Variants in NTRK2 observed in about 807,000 individuals in gnomAD.
The protein encoded by NTRK2 is neurotrophic receptor tyrosine kinase 2, also known as BDNF/NT-3 growth factors receptor.
Under a neutral mutation model 94.5 loss-of-function variants are expected in NTRK2, and 13 were observed. The observed-to-expected ratio is 0.14, with a 90% CI of 0.09 to 0.22. The LOEUF (loss-of-function observed/expected upper bound fraction) is 0.22. NTRK2 is among the 10% of genes least tolerant of loss of function. NTRK2 has a pLI of 1.00. For synonymous variants in NTRK2, 372 were observed against 407.4 expected (o/e 0.91, Z 1.05); for missense variants, 639 against 1,071.2 (o/e 0.60, Z 5.63).
At chr9:84,748,631 GT>G (rs1349126813) in intron 11 of NTRK2, among the ~76,000 whole-genome samples, 3 of 152,180 alleles carry the variant, frequency 2.0e-5, no homozygotes, top group Non-Finnish European at 4.4e-5. Context: ...CTGCTGCATG[GT>G]TGGGGGACTT....
At chr9:84,742,794 T>C (rs1449102860) in intron 10 of NTRK2, among the ~76,000 whole-genome samples, 14 of 19,216 alleles carry the variant, frequency 7.3e-4, no homozygotes, top group South Asian at 2.7e-3. Flanking sequence ...TATTAGTTTT[T>C]TTTTTTTTTT....
chr9:84,966,081 C>G (rs1825525348), intron 17 of NTRK2, among the ~76,000 whole-genome samples: 2 of 152,186 alleles, frequency 1.3e-5, no homozygotes, highest in African/African-American at 4.8e-5. Flanking sequence ...CTGAGGGATT[C>G]TGCTTACCAG....
chr9:84,781,843 C>T (rs1253210073), intron 12 of NTRK2, among the ~76,000 whole-genome samples: 3 of 152,204 alleles, frequency 2.0e-5, no homozygotes, highest in African/African-American at 7.2e-5. Flanking sequence ...TAACTAAACC[C>T]TTATTATGGC....
At chr9:84,913,177 T>C (rs1284954044) in intron 14 of NTRK2, among the ~76,000 whole-genome samples, 2 of 152,154 alleles carry the variant, frequency 1.3e-5, no homozygotes, top group Admixed American at 1.3e-4. Context: ...TTTAGAATTC[T>C]TTTTTTATTT....
rs1832892458 is a variant in NTRK2, at chr9:85,023,615, T to C, written c.*2178T>C. 1.4e-5 allele frequency: 3 copies of C among 212,356 alleles called. No homozygotes were observed. Among genetic ancestry groups the C allele is most frequent in the African/African-American group, 2.3e-5 (1 of 43,938 alleles). 13.2% of individuals were successfully genotyped at this position (212,356 alleles called of 1,614,324 possible). On this transcript the variant is annotated 3_prime_UTR_variant, in exon 19 of 19. Transcript: ENST00000277120. ...TTAAAAAAACCCTCTAGAATACACA[T>C]AATAACATAATGAAAGCCATATCTC... is the stretch of plus-strand genomic sequence containing the variant.
intron 2 of NTRK2, among the ~76,000 whole-genome samples, chr9:84,673,858 C>T (rs2131305799): frequency 6.6e-6 from 1 of 152,250 alleles, no homozygotes; most frequent in East Asian, 1.9e-4. Flanking sequence ...ATGTATCACG[C>T]CTGCTCAACA....
chr9:84,885,859 C>G (rs2076396649), intron 14 of NTRK2, among the ~76,000 whole-genome samples: 1 of 151,908 alleles, frequency 6.6e-6, no homozygotes, highest in Admixed American at 6.6e-5. Context: ...TGGTGAAACC[C>G]CCTCTCTACT....
chr9:84,749,322 T>G (rs1245186649), intron 11 of NTRK2, among the ~76,000 whole-genome samples: 2 of 152,224 alleles, frequency 1.3e-5, no homozygotes, highest in Admixed American at 1.3e-4. Flanking sequence ...TGATCATTAC[T>G]TTTGCTCCAC....
intron 12 of NTRK2, among the ~76,000 whole-genome samples, chr9:84,808,148 G>T (rs2071339769): frequency 6.6e-6 from 1 of 152,162 alleles, no homozygotes; most frequent in Admixed American, 6.5e-5. Flanking sequence ...TTGAAATAAG[G>T]GCCAGGGCAG....
At position 84,750,509 on chromosome 9, in the gene NTRK2, A is replaced by G. The variant is rs191044346; in HGVS notation, c.1297-1477A>G. Among the ~76,000 whole-genome samples, 129 of 152,394 alleles carry G rather than the reference A, an allele frequency of 8.5e-4. 2 individuals are homozygous for G. Among genetic ancestry groups the G allele is most frequent in the Admixed American group, 1.4e-3 (21 of 15,308 alleles). Reference sequence around the variant, plus strand: ...AAATTGTTGTGCAGATTCTTAAGCCAGAATGGCTCTCTAAGAAATCTCAGA... The same window carrying G: ...AAATTGTTGTGCAGATTCTTAAGCCGGAATGGCTCTCTAAGAAATCTCAGA... On this transcript the variant is annotated intron_variant, in intron 11 of 18. Transcript: ENST00000277120.
intron 17 of NTRK2, among the ~76,000 whole-genome samples, chr9:85,002,912 A>G (rs933746421): frequency 1.3e-5 from 2 of 152,142 alleles, no homozygotes; most frequent in Non-Finnish European, 2.9e-5. Context: ...TGCCCCCAAC[A>G]TCAGGCCAGG....
At chr9:84,709,547 A>G (rs543960987) in intron 5 of NTRK2, among the ~76,000 whole-genome samples, 3 of 152,134 alleles carry the variant, frequency 2.0e-5, no homozygotes, top group Non-Finnish European at 2.9e-5. Context: ...ATTTTCCCCT[A>G]AGAAACTCCT....
chr9:84,870,897 A>G (rs1190762687), intron 14 of NTRK2, among the ~76,000 whole-genome samples: 2 of 152,214 alleles, frequency 1.3e-5, no homozygotes, highest in African/African-American at 2.4e-5. Context: ...TTTAGAATAT[A>G]CATATGGTCT....
intron 14 of NTRK2, chr9:84,874,888 C>T (rs200156368): frequency 2.8e-6 from 3 of 1,057,108 alleles, no homozygotes; most frequent in African/African-American, 3.3e-5. Context: ...TGGTCAATCC[C>T]AGTTGGTATA....
At chr9:84,876,366 T>C (rs1346447213) in intron 14 of NTRK2, 1 of 1,052,474 alleles carries the variant, frequency 9.5e-7, no homozygotes, top group Non-Finnish European at 1.1e-6. Flanking sequence ...TGAATTGTTT[T>C]CCTACAGGAA....
chr9:84,942,773 G>T (rs562142199), intron 15 of NTRK2, among the ~76,000 whole-genome samples: 5 of 148,620 alleles, frequency 3.4e-5, no homozygotes, highest in South Asian at 2.1e-4. Flanking sequence ...AATCTGTTAG[G>T]TTTTTTTTTT....
At chr9:84,833,446 G>GA (rs549025221) in intron 12 of NTRK2, among the ~76,000 whole-genome samples, 3 of 139,812 alleles carry the variant, frequency 2.1e-5, no homozygotes, top group East Asian at 2.0e-4. Flanking sequence ...AGAAAGGAAA[G>GA]AAAAAAAGGA....
intron 6 of NTRK2, among the ~76,000 whole-genome samples, chr9:84,721,487 A>G (rs1031398941): frequency 6.6e-6 from 1 of 152,140 alleles, no homozygotes; most frequent in African/African-American, 2.4e-5. Flanking sequence ...CATACTCATA[A>G]TAATCTTTAT....
chr9:84,779,016 G>A (rs1006112800), intron 12 of NTRK2, among the ~76,000 whole-genome samples: 7 of 152,166 alleles, frequency 4.6e-5, no homozygotes, highest in Admixed American at 3.3e-4. Context: ...GGAGGACCTC[G>A]ACTTTAATGC....
Sources: gnomAD v4.1 joint callset for allele counts (sites outside exome capture counted in the v4.1 genomes callset) on GRCh38, gnomAD v4.1.1 for gene constraint, MANE v1.5 for transcripts, NCBI Gene and HGNC (gene_info 2026-07-23, HGNC 2026-07-21) for gene names.